The following TRIO variants were observed in gnomAD, a reference collection of about 807,000 sequenced individuals.
TRIO encodes trio Rho guanine nucleotide exchange factor.
In TRIO, 58 loss-of-function variants were observed where a neutral mutation model predicts 351.9. The observed-to-expected ratio is 0.16, with a 90% confidence interval of 0.13 to 0.21. TRIO has a LOEUF of 0.21. Among genes scored for constraint, TRIO ranks in the 10% least tolerant of loss-of-function variants. TRIO has a pLI of 1.00. For missense variants in TRIO, 3,201 were observed against 4,027.8 expected, an observed-to-expected ratio of 0.79 and a Z score of 5.56; for synonymous variants, 1,758 against 1,595.7, an observed-to-expected ratio of 1.10 and a Z score of -2.42.
chr5:14,471,349 T>C lies in TRIO; in HGVS notation c.5795T>C (p.Val1932Ala), dbSNP rs755389822. Residue 1932 changes from valine (V) to alanine (A), a missense_variant, in exon 38 of 57, where the codon GTT (valine) becomes GCT (alanine). Coordinates refer to ENST00000344204, the MANE Select transcript of TRIO (RefSeq NM_007118.4). The stretch of plus-strand genomic sequence containing the variant: ...GAGGATCGCCCCAGCTCACTCCTTG[T>C]TGACCAGGGAGATAGTAGCAGCCCT... ...ALEDRPSSLL[V>A]DQGDSSSPSF... 10 of 1,614,130 alleles carry C rather than the reference T, an allele frequency of 6.2e-6. No homozygotes were observed. The highest frequency in any genetic ancestry group is 8.5e-6 in the Non-Finnish European group (10 of 1,180,006).
intron 33 of TRIO, among the ~76,000 whole-genome samples, chr5:14,417,389 T>C (rs560378345): frequency 6.6e-6 from 1 of 152,382 alleles, no homozygotes; most frequent in East Asian, 1.9e-4. Flanking sequence ...GAACTTTCTC[T>C]TAAAAGATAG....
intron 19 of TRIO, among the ~76,000 whole-genome samples, chr5:14,376,272 G>A (rs1745549132): frequency 6.6e-6 from 1 of 152,178 alleles, no homozygotes; most frequent in African/African-American, 2.4e-5. Flanking sequence ...TGCAGTTTCA[G>A]TCTTGGGAAT....
intron 1 of TRIO, among the ~76,000 whole-genome samples, chr5:14,183,277 C>T (rs1388065927): frequency 2.0e-5 from 3 of 152,176 alleles, no homozygotes; most frequent in Non-Finnish European, 2.9e-5. Flanking sequence ...ATGTTGTGCC[C>T]TTGGGAGTCA....
chr5:14,322,901 T>A (rs188767490), intron 9 of TRIO, among the ~76,000 whole-genome samples: 1 of 152,290 alleles, frequency 6.6e-6, no homozygotes, highest in Admixed American at 6.5e-5. Flanking sequence ...TGGGAACTAC[T>A]GGGCGCAGGT....
intron 34 of TRIO, among the ~76,000 whole-genome samples, chr5:14,421,664 A>G (rs1750172378): frequency 6.6e-6 from 1 of 151,870 alleles, no homozygotes; most frequent in Non-Finnish European, 1.5e-5. Context: ...GCAGCAACAG[A>G]CAGCAGGTGT....
intron 1 of TRIO, among the ~76,000 whole-genome samples, chr5:14,254,017 T>C (rs1049676910): frequency 6.6e-6 from 1 of 151,264 alleles, no homozygotes; most frequent in African/African-American, 2.5e-5. Context: ...ATGTAATGAA[T>C]TTATTATTTT....
chr5:14,369,015 G>A (rs1744843341), intron 17 of TRIO, 116 bp downstream of exon 17: 1 of 1,300,870 alleles, frequency 7.7e-7, no homozygotes, highest in Non-Finnish European at 1.1e-6. Flanking sequence ...TCAGTTGCCA[G>A]TCAAGCAGGG....
chr5:14,238,801 G>A (rs897433481), intron 1 of TRIO, among the ~76,000 whole-genome samples: 3 of 152,234 alleles, frequency 2.0e-5, no homozygotes, highest in African/African-American at 7.2e-5. Context: ...TGGTCTTAAA[G>A]AGTGTTGTGC....
chr5:14,243,891 C>T (rs1794278580), intron 1 of TRIO, among the ~76,000 whole-genome samples: 1 of 152,242 alleles, frequency 6.6e-6, no homozygotes, highest in Non-Finnish European at 1.5e-5. Context: ...GAGCCTACCA[C>T]TTGCTGTTCA....
At chr5:14,416,797 A>G (rs1003580826) in intron 33 of TRIO, among the ~76,000 whole-genome samples, 8 of 152,042 alleles carry the variant, frequency 5.3e-5, no homozygotes, top group African/African-American at 1.9e-4. Flanking sequence ...GAAAATTAAT[A>G]AGACTCTGGA....
At chr5:14,173,037 T>G (rs959218872) in intron 1 of TRIO, among the ~76,000 whole-genome samples, 2 of 152,112 alleles carry the variant, frequency 1.3e-5, no homozygotes, top group African/African-American at 2.4e-5. Flanking sequence ...AGCAGCAAAA[T>G]CTTTTCCAAA....
chr5:14,310,804 G>A (rs1738855271), intron 8 of TRIO, among the ~76,000 whole-genome samples: 1 of 152,152 alleles, frequency 6.6e-6, no homozygotes, highest in South Asian at 2.1e-4. Context: ...TTGTGTCTTA[G>A]CCTCCTGAGC....
At chr5:14,378,167 C>T (rs543510866) in intron 20 of TRIO, 40 bp downstream of exon 20, 52 of 1,460,560 alleles carry the variant, frequency 3.6e-5, no homozygotes, top group South Asian at 2.9e-4. Flanking sequence ...CCTAAACTCC[C>T]GTGCTCACAC....
chr5:14,379,690 A>G (rs1036060531), intron 20 of TRIO, among the ~76,000 whole-genome samples: 1 of 152,228 alleles, frequency 6.6e-6, no homozygotes, highest in African/African-American at 2.4e-5. Context: ...TTGAAAGACA[A>G]TCCCTCAGCT....
chr5:14,324,462 G>C (rs1465647224), intron 9 of TRIO, among the ~76,000 whole-genome samples: 1 of 152,138 alleles, frequency 6.6e-6, no homozygotes, highest in Non-Finnish European at 1.5e-5. Flanking sequence ...TGTGCTCTTT[G>C]GATGCAGAAT....
chr5:14,507,716 C>A (rs2126722371), intron 56 of TRIO, among the ~76,000 whole-genome samples, 164 bp from the exon 57 acceptor site: 1 of 152,316 alleles, frequency 6.6e-6, no homozygotes, highest in South Asian at 2.1e-4. Flanking sequence ...TCTTCCTCCT[C>A]ACCCTCGGCT....
chr5:14,207,557 C>CAT (rs58848680), intron 1 of TRIO, among the ~76,000 whole-genome samples: 4 of 146,190 alleles, frequency 2.7e-5, no homozygotes, highest in African/African-American at 1.0e-4. Context: ...CACACACACA[C>CAT]GGAGCCAGGT....
chr5:14,378,180 G>A (rs1579475914), intron 20 of TRIO, 53 bp downstream of exon 20: 2 of 1,355,578 alleles, frequency 1.5e-6, no homozygotes, highest in Non-Finnish European at 2.1e-6. Context: ...GCTCACACCT[G>A]TCTCCACAGA....
At chr5:14,479,085 C>T (rs928552170) in intron 41 of TRIO, among the ~76,000 whole-genome samples, 176 bp from the exon 42 acceptor site, 2 of 152,170 alleles carry the variant, frequency 1.3e-5, no homozygotes, top group African/African-American at 4.8e-5. Context: ...TTTGGAGCCA[C>T]ACCGTAGAAT....
Sources: allele counts gnomAD v4.1 joint callset (sites outside exome capture counted in the v4.1 genomes callset), GRCh38; gene constraint gnomAD v4.1.1; transcripts MANE v1.5; gene names NCBI Gene and HGNC (gene_info 2026-07-23, HGNC 2026-07-21).